Variants in RAP1A observed in about 807,000 individuals in gnomAD.
RAP1A encodes the protein RAP1A, member of RAS oncogene family, also known as ras-related protein Rap-1A.
A neutral mutation model predicts 26.4 loss-of-function variants in RAP1A; 6 were observed. The ratio of observed to expected loss-of-function variants is 0.23; its 90% CI spans 0.12 to 0.45. RAP1A has a LOEUF of 0.45. Among genes scored for constraint, RAP1A ranks in the 20% least tolerant of loss-of-function variants. The pLI, the probability that RAP1A is intolerant of heterozygous loss-of-function variation, is 0.99. For synonymous variants in RAP1A, 73 were observed against 79.4 expected, an observed-to-expected ratio of 0.92 and a Z score of 0.43; for missense variants, 121 against 217.2, an observed-to-expected ratio of 0.56 and a Z score of 2.78.
chr1:111,680,926 A>G (rs1446034361), intron 1 of RAP1A, among the ~76,000 whole-genome samples: 1 of 152,246 alleles, frequency 6.6e-6, no homozygotes, highest in Non-Finnish European at 1.5e-5. Context: ...AGATAAATCC[A>G]TGAAGATGAG....
At chr1:111,703,028 G>A (rs920629796) in intron 4 of RAP1A, among the ~76,000 whole-genome samples, 1 of 152,120 alleles carries the variant, frequency 6.6e-6, no homozygotes, top group African/African-American at 2.4e-5. Flanking sequence ...TTAGCACTTG[G>A]GCAGTAGTTG....
At chr1:111,600,273 C>T (rs369502362) in intron 1 of RAP1A, among the ~76,000 whole-genome samples, 5 of 152,342 alleles carry the variant, frequency 3.3e-5, no homozygotes, top group African/African-American at 4.8e-5. Flanking sequence ...GCAGAGGCCT[C>T]GCCTGGCCTA....
intron 1 of RAP1A, among the ~76,000 whole-genome samples, chr1:111,595,195 G>A (rs1217281119): frequency 2.0e-5 from 3 of 152,110 alleles, no homozygotes; most frequent in African/African-American, 4.8e-5. Context: ...ATTAATGTAC[G>A]AAATTTAGAG....
intron 1 of RAP1A, among the ~76,000 whole-genome samples, chr1:111,571,892 G>A (rs907283762): frequency 6.6e-6 from 1 of 152,132 alleles, no homozygotes; most frequent in South Asian, 2.1e-4. Context: ...TTTCTGATTC[G>A]GGAGTTTTCC....
chr1:111,582,878 A>G (rs1658285302), intron 1 of RAP1A, among the ~76,000 whole-genome samples: 1 of 152,068 alleles, frequency 6.6e-6, no homozygotes, highest in African/African-American at 2.4e-5. Flanking sequence ...CTAGGGGATT[A>G]CTCCCACCTA....
chr1:111,620,948 T>G (rs565309), intron 1 of RAP1A, among the ~76,000 whole-genome samples: 9,281 of 152,278 alleles, frequency 0.061, 300 homozygotes, highest in South Asian at 0.086. Context: ...ACCTTTGACC[T>G]CTTGGAAAAA....
chr1:111,559,006 C>A lies in RAP1A; in HGVS notation c.-28+16497C>A, dbSNP rs534729282. Among the ~76,000 whole-genome samples the A allele has an allele frequency of 5.0e-4, 76 of 152,140 alleles. 1 individual carries two copies. The South Asian group carries it at 9.5e-3, about 19-fold the overall frequency. ...AACATATTAAAAATAATCAGTTTCC[C>A]AGAGACCAAGTTCTCTGAACATAAT... is the stretch of plus-strand genomic sequence containing the variant. On this transcript the variant is annotated intron_variant, in intron 1 of 7. Transcript: ENST00000356415.
chr1:111,687,386 T>C (rs1250245560), intron 1 of RAP1A, among the ~76,000 whole-genome samples: 1 of 152,008 alleles, frequency 6.6e-6, no homozygotes, highest in Non-Finnish European at 1.5e-5. Context: ...TTTTATATTT[T>C]TAGTAGAGAT....
At chr1:111,698,757 T>C (rs1171698337) in intron 4 of RAP1A, among the ~76,000 whole-genome samples, 5 of 152,266 alleles carry the variant, frequency 3.3e-5, no homozygotes, top group African/African-American at 1.2e-4. Context: ...GCTTAACTCT[T>C]ATCAGGGACC....
intron 1 of RAP1A, among the ~76,000 whole-genome samples, chr1:111,663,039 G>T (rs1660688816): frequency 6.6e-6 from 1 of 152,086 alleles, no homozygotes; most frequent in Admixed American, 6.5e-5. Context: ...TCAGCCTCCT[G>T]AGTAGCTGGG....
chr1:111,607,674 G>A (rs372488687), intron 1 of RAP1A, among the ~76,000 whole-genome samples: 2,073 of 144,096 alleles, frequency 0.014, 60 homozygotes, highest in East Asian at 0.05. Context: ...GGACGGGGCG[G>A]CTGGCCGGGC....
At chr1:111,638,296 C>T (rs1659783327) in intron 1 of RAP1A, among the ~76,000 whole-genome samples, 1 of 151,978 alleles carries the variant, frequency 6.6e-6, no homozygotes, top group Non-Finnish European at 1.5e-5. Flanking sequence ...TTTTCTTTCC[C>T]ATTTTGTTTT....
At chr1:111,561,200 T>G (rs932915662) in intron 1 of RAP1A, among the ~76,000 whole-genome samples, 2 of 152,232 alleles carry the variant, frequency 1.3e-5, no homozygotes, top group African/African-American at 2.4e-5. Context: ...TGTGGCTCAC[T>G]GCATCCTCAA....
At chr1:111,555,339 C>G (rs554818395) in intron 1 of RAP1A, among the ~76,000 whole-genome samples, 46 of 113,648 alleles carry the variant, frequency 4.0e-4, no homozygotes, top group South Asian at 8.7e-4. Context: ...GCACTCCAGC[C>G]TGGGTGACAG....
chr1:111,649,036 T>C (rs1660172388), intron 1 of RAP1A: 1 of 621,672 alleles, frequency 1.6e-6, no homozygotes, highest in Non-Finnish European at 3.1e-6. Flanking sequence ...AGTCCGTGGA[T>C]GTCACTCTCC....
At chr1:111,592,589 A>G (rs1403028144) in intron 1 of RAP1A, among the ~76,000 whole-genome samples, 1 of 152,224 alleles carries the variant, frequency 6.6e-6, no homozygotes, top group African/African-American at 2.4e-5. Context: ...GTGGTTGCTC[A>G]TAAATATTCC....
upstream of RAP1A, among the ~76,000 whole-genome samples, chr1:111,615,354 T>C (rs1215957867): frequency 4.0e-5 from 6 of 151,124 alleles, no homozygotes; most frequent in Admixed American, 4.0e-4. Flanking sequence ...AAACAGGAGA[T>C]CACAGCAAAA....
intron 1 of RAP1A, among the ~76,000 whole-genome samples, chr1:111,552,221 G>A (rs527655385): frequency 6.6e-6 from 1 of 152,264 alleles, no homozygotes; most frequent in East Asian, 1.9e-4. Flanking sequence ...AATCAACCAA[G>A]GACAAATATT....
intron 1 of RAP1A, among the ~76,000 whole-genome samples, chr1:111,561,611 C>T (rs886535371): frequency 3.3e-5 from 5 of 152,148 alleles, no homozygotes; most frequent in Non-Finnish European, 5.9e-5. Context: ...AGCAGAAGGT[C>T]ACAGAATTTT....
Sources: allele counts gnomAD v4.1 joint callset (sites outside exome capture counted in the v4.1 genomes callset), GRCh38; gene constraint gnomAD v4.1.1; transcripts MANE v1.5; gene names NCBI Gene and HGNC (gene_info 2026-07-23, HGNC 2026-07-21).